Variants in SEC22A observed in about 807,000 individuals in gnomAD.
The protein encoded by SEC22A is SEC22 homolog A, vesicle trafficking protein.
In SEC22A, 22 loss-of-function variants were observed where a neutral mutation model predicts 35.3. The ratio of observed to expected loss-of-function variants is 0.62; its 90% confidence interval spans 0.45 to 0.89. SEC22A has a LOEUF of 0.89. Ranked by LOEUF, SEC22A falls within the 40% of genes least tolerant of loss-of-function variation. The pLI is 0.00. For missense variants in SEC22A, 354 were observed against 362.5 expected, an observed-to-expected ratio of 0.98 and a Z score of 0.19; for synonymous variants, 119 against 129.5, an observed-to-expected ratio of 0.92 and a Z score of 0.55.
chr3:123,271,753 C>CA lies in SEC22A; in HGVS notation c.*32dup, dbSNP rs1938169334. 1.9e-6 allele frequency: 3 copies of CA among 1,581,376 alleles called. No homozygotes were observed. The East Asian group carries it at 6.7e-5, about 35-fold the overall frequency. The stretch of plus-strand genomic sequence containing the variant: ...TCCTTCAGATCTATTGCCTTGGCTT[C>CA]AGGGGGATAAGGAGGGAACATATCA... On this transcript the variant is annotated 3_prime_UTR_variant, in exon 7 of 7. Transcript: ENST00000492595.
rs1388804772 is a variant in SEC22A at position 123,209,381 on chromosome 3, C to T, written c.164C>T (p.Thr55Ile). ...CTTCCTGATAGATGTACACTGAAAA[C>T]TGGACATTATAACATTAAGTAAGAC... ...AQLPDRCTLK[T>I]GHYNINFISS... The change falls in exon 2 of 7, where the codon ACT becomes ATT. Residue 55 changes from threonine to isoleucine, a missense_variant. Coordinates refer to ENST00000492595, the MANE Select transcript of SEC22A (RefSeq NM_012430.5). The T allele has an allele frequency of 6.2e-7, 1 of 1,612,712 alleles. No individual in the cohort carries two copies.
At chr3:123,228,424 AATT>A (rs1051466933) in intron 4 of SEC22A, among the ~76,000 whole-genome samples, 8 of 150,056 alleles carry the variant, frequency 5.3e-5, no homozygotes, top group Admixed American at 1.3e-4. Flanking sequence ...AAAAAAAAAA[AATT>A]AGTTGGGCAG....
chr3:123,217,209 T>A (rs1002226648), intron 2 of SEC22A, among the ~76,000 whole-genome samples: 2 of 151,726 alleles, frequency 1.3e-5, no homozygotes, highest in Non-Finnish European at 2.9e-5. Flanking sequence ...AAACATTTTT[T>A]TTTTTTGAGA....
chr3:123,247,160 C>T (rs1576498212), intron 5 of SEC22A, among the ~76,000 whole-genome samples: 1 of 152,018 alleles, frequency 6.6e-6, no homozygotes, highest in East Asian at 1.9e-4. Flanking sequence ...GTTTAGATGA[C>T]CTAACAAAAA....
In SEC22A at chr3:123,271,641, T is replaced by C; in HGVS notation, c.843T>C (p.Phe281=). The C allele has an allele frequency of 6.2e-7, 1 of 1,614,234 alleles. No individual in the cohort carries two copies. Among genetic ancestry groups the C allele is most frequent in the African/African-American group, 1.3e-5 (1 of 75,062 alleles). The part of the protein sequence containing the change: ...YELRNLWQLF[F]HVTVGAFVTL... ...TGCGCAACCTCTGGCAGCTTTTCTT[T>C]CATGTGACTGTGGGAGCATTTGTTA... Residue 281 remains phenylalanine (F), a synonymous_variant, in exon 7 of 7, where the codon TTT becomes TTC. Coordinates refer to ENST00000492595, the MANE Select transcript of SEC22A (RefSeq NM_012430.5).
chr3:123,261,547 G>T (rs548967625), intron 6 of SEC22A, among the ~76,000 whole-genome samples: 1 of 150,508 alleles, frequency 6.6e-6, no homozygotes, highest in Admixed American at 6.6e-5. Flanking sequence ...CTATACACAT[G>T]ATCTCATTTG....
chr3:123,224,453 T>G (rs1160435316), intron 3 of SEC22A, among the ~76,000 whole-genome samples: 1 of 152,214 alleles, frequency 6.6e-6, no homozygotes, highest in Non-Finnish European at 1.5e-5. Context: ...TTGCAGCTGG[T>G]AAATCTGACA....
chr3:123,208,722 A>AG (rs1390178760), intron 1 of SEC22A: 4 of 156,384 alleles, frequency 2.6e-5, no homozygotes, highest in African/African-American at 9.7e-5. Flanking sequence ...GCTGTCTCAA[A>AG]AAAAAAAACA....
At chr3:123,233,603 A>G (rs946794462) in intron 4 of SEC22A, among the ~76,000 whole-genome samples, 1 of 152,212 alleles carries the variant, frequency 6.6e-6, no homozygotes, top group Non-Finnish European at 1.5e-5. Flanking sequence ...TACATGCAGA[A>G]AAAGCATTTG....
rs762190885 is a variant in SEC22A at position 123,225,297 on chromosome 3, G to C, written c.541G>C (p.Ala181Pro). 4 of 1,581,242 alleles carry C rather than the reference G, an allele frequency of 2.5e-6. No homozygotes were observed. Among genetic ancestry groups the C allele is most frequent in the South Asian group, 1.2e-5 (1 of 86,626 alleles). ...TAAAGGTGCTGGTAAGATTTCTTCT[G>C]GTGAGTTCTGGATCTCAGTTATTTT... ...DCKGAGKISS[A>P]HQRLEPATLS... The change falls in exon 4 of 7, where the codon GCT becomes CCT. Residue 181 changes from alanine (A) to proline (P), a missense_variant and splice_region_variant. Ala to Pro is a conservative substitution (Grantham distance 27). Coordinates refer to ENST00000492595, the MANE Select transcript of SEC22A (RefSeq NM_012430.5).
intron 4 of SEC22A, among the ~76,000 whole-genome samples, chr3:123,244,754 CTTAA>C (rs1452220088): frequency 1.3e-5 from 2 of 152,134 alleles, no homozygotes; most frequent in African/African-American, 4.8e-5. Flanking sequence ...ACCTCATTAA[CTTAA>C]TTGTTAGGGC....
intron 6 of SEC22A, 95 bp from the exon 7 acceptor site, chr3:123,271,427 A>G (rs1317325213): frequency 3.1e-6 from 3 of 965,292 alleles, no homozygotes; most frequent in African/African-American, 1.6e-5. Flanking sequence ...ATCCATTCTT[A>G]TATTTTACTC....
At chr3:123,202,873 T>C (rs1936774651) in intron 1 of SEC22A, among the ~76,000 whole-genome samples, 3 of 152,134 alleles carry the variant, frequency 2.0e-5, no homozygotes, top group Non-Finnish European at 4.4e-5. Flanking sequence ...CTTTCCATGT[T>C]ACTGATATTT....
At chr3:123,243,877 A>G (rs1937545994) in intron 4 of SEC22A, 1 of 152,226 alleles carries the variant, frequency 6.6e-6, no homozygotes, top group African/African-American at 2.4e-5. Context: ...TGTTATCAAC[A>G]TGCCATCCTT....
At chr3:123,209,425 A>G (rs1231331303) in intron 2 of SEC22A, 26 bp downstream of exon 2, 1 of 1,577,994 alleles carries the variant, frequency 6.3e-7, no homozygotes, top group Admixed American at 1.7e-5. Context: ...GCTTCATTTG[A>G]CTCATTTGCC....
At chr3:123,266,179 TTCTC>T (rs1938021485) in intron 6 of SEC22A, among the ~76,000 whole-genome samples, 1 of 152,126 alleles carries the variant, frequency 6.6e-6, no homozygotes. Context: ...AATTTGCATG[TTCTC>T]TCTTTTTCTT....
In SEC22A at chr3:123,222,479, C is replaced by A. The variant is rs1415913583; in HGVS notation, c.183-1080C>A. The stretch of plus-strand genomic sequence containing the variant: ...CTCCCAAAGTGCTGGGATTACAGGC[C>A]CCCACCATGCCCGGCCTCTTTAGCT... On this transcript the variant is annotated intron_variant, in intron 2 of 6. Coordinates refer to ENST00000492595, the MANE Select transcript of SEC22A (RefSeq NM_012430.5). Among the ~76,000 whole-genome samples the A allele has an allele frequency of 2.6e-5, 4 of 151,978 alleles. No homozygotes were observed. The East Asian group carries it at 7.7e-4, about 29-fold the overall frequency.
Position 123,223,442 on chromosome 3 carries a change from T to G in SEC22A, c.183-117T>G. The G allele has an allele frequency of 1.3e-5, 10 of 745,044 alleles. No homozygotes were observed. In the South Asian group the frequency reaches 1.4e-4, roughly 11 times the overall value. 46.2% of individuals were successfully genotyped at this position (745,044 alleles called of 1,614,324 possible). On this transcript the variant is annotated intron_variant, in intron 2 of 6. Coordinates refer to ENST00000492595, the MANE Select transcript of SEC22A (RefSeq NM_012430.5). ...TTTTTCCTAGAATATATAATAAATG[T>G]TAAGATCTTCATTGCCACCGTAGTA...
At chr3:123,263,527 G>T (rs1400872375) in intron 6 of SEC22A, among the ~76,000 whole-genome samples, 3 of 152,000 alleles carry the variant, frequency 2.0e-5, no homozygotes, top group Admixed American at 6.6e-5. Flanking sequence ...TTTTTTTGTT[G>T]TTTTTTTGGG....
Sources: allele counts gnomAD v4.1 joint callset (sites outside exome capture counted in the v4.1 genomes callset), GRCh38; gene constraint gnomAD v4.1.1; transcripts MANE v1.5; gene names NCBI Gene and HGNC (gene_info 2026-07-23, HGNC 2026-07-21).